The following SPINK5 variants were observed in gnomAD, a reference collection of about 807,000 sequenced individuals.
SPINK5 encodes the protein serine protease inhibitor Kazal-type 5.
A neutral mutation model predicts 151.8 loss-of-function variants in SPINK5; 125 were observed. That is an observed-to-expected ratio of 0.82 (90% confidence interval 0.71 to 0.96). The LOEUF is 0.96. Among genes scored for constraint, SPINK5 ranks in the 40% least tolerant of loss-of-function variants. The pLI is 0.00. For synonymous variants in SPINK5, 374 were observed against 395.3 expected, an observed-to-expected ratio of 0.95 and a Z score of 0.64; for missense variants, 1,194 against 1,291.9, an observed-to-expected ratio of 0.92 and a Z score of 1.16.
At position 148,131,337 on chromosome 5, in the gene SPINK5, G is replaced by A. The variant is rs1483638724; in HGVS notation, c.3043G>A (p.Gly1015Ser). 4 of 1,613,946 alleles carry A rather than the reference G, an allele frequency of 2.5e-6. No individual in the cohort carries two copies. The South Asian group carries it at 3.3e-5, about 13-fold the overall frequency. Reference sequence around the variant, plus strand: ...TCCAAAGGATTTAAAGCCTGTCTGTGGTGACGATGGCCAAACCTACAACAA... The same window carrying A: ...TCCAAAGGATTTAAAGCCTGTCTGTAGTGACGATGGCCAAACCTACAACAA... ...LCPKDLKPVC[G>S]DDGQTYNNPC... The change falls in exon 31 of 33, where the codon GGT (glycine) becomes AGT (serine). Residue 1015 changes from glycine (G) to serine (S), a missense_variant. By Grantham distance (56) the Gly-to-Ser change is moderately conservative (BLOSUM62 0). Transcript: ENST00000256084.
intron 1 of SPINK5, 94 bp from the exon 2 acceptor site, chr5:148,065,253 A>T (rs1277976113): frequency 2.2e-6 from 3 of 1,351,918 alleles, no homozygotes; most frequent in African/African-American, 2.9e-5. Flanking sequence ...TATTGTCATT[A>T]AAGCAATCAA....
At chr5:148,135,723 G>A (rs1239391198) in intron 32 of SPINK5, among the ~76,000 whole-genome samples, 2 of 151,994 alleles carry the variant, frequency 1.3e-5, no homozygotes, top group Non-Finnish European at 2.9e-5. Context: ...GTATATATTG[G>A]GGTGGAAGCC....
At chr5:148,118,159 C>T (rs1168116472) in intron 22 of SPINK5, among the ~76,000 whole-genome samples, 5 of 152,160 alleles carry the variant, frequency 3.3e-5, no homozygotes, top group African/African-American at 7.2e-5. Context: ...GCTGGGATTA[C>T]AGGCACCCGC....
At chr5:148,089,765 G>T in intron 7 of SPINK5, 144 bp downstream of exon 7, 1 of 1,236,476 alleles carries the variant, frequency 8.1e-7, no homozygotes, top group Non-Finnish European at 1.2e-6. Context: ...CTCACAGAAA[G>T]GCTTCTTTTC....
intron 18 of SPINK5, among the ~76,000 whole-genome samples, chr5:148,110,529 T>C (rs1383260246): frequency 6.6e-6 from 1 of 152,234 alleles, no homozygotes; most frequent in Admixed American, 6.5e-5. Flanking sequence ...ATTTTAGTTA[T>C]ATTATTCATT....
At position 148,135,282 on chromosome 5, in the gene SPINK5, A is replaced by G. The variant is rs373952891; in HGVS notation, c.3186+1395A>G. Among the ~76,000 whole-genome samples the G allele has an allele frequency of 4.9e-4, 74 of 152,280 alleles. No homozygotes were observed. The East Asian group carries it at 8.5e-3, about 17-fold the overall frequency. On this transcript the variant is annotated intron_variant, in intron 32 of 32. Transcript: ENST00000256084. ...CCCGTCCTCACAAACTCACCTTTAC[A>G]TATATCTCAGGAGAGAAAGGTCAAA... is the stretch of plus-strand genomic sequence containing the variant.
In SPINK5 at chr5:148,125,757, A is replaced by T. The variant is rs1208418378; in HGVS notation, c.2774A>T (p.Asn925Ile). The T allele has an allele frequency of 6.2e-7, 1 of 1,614,218 alleles. No homozygotes were observed. The highest frequency in any genetic ancestry group is 8.5e-7 in the Non-Finnish European group (1 of 1,180,024). The change falls in exon 29 of 33, where the codon AAC becomes ATC. Residue 925 changes from asparagine to isoleucine, a missense_variant. Asn to Ile is a moderately radical substitution (Grantham distance 149). Transcript: ENST00000256084. Reference sequence around the variant, plus strand: ...AGTGAATTTCGAAACTATATAAGGAACAATGAACTCATCTGCCCTAGAGAG... The same window carrying T: ...AGTGAATTTCGAAACTATATAAGGATCAATGAACTCATCTGCCCTAGAGAG... ...ECSEFRNYIR[N>I]NELICPREND...
intron 30 of SPINK5, among the ~76,000 whole-genome samples, chr5:148,129,004 G>A (rs1434535743): frequency 1.3e-5 from 2 of 152,136 alleles, no homozygotes; most frequent in Non-Finnish European, 2.9e-5. Context: ...AGATGGGGAG[G>A]GGAGGGGATA....
At chr5:148,089,126 G>A in intron 6 of SPINK5, 3 of 465,230 alleles carry the variant, frequency 6.4e-6, no homozygotes, top group Non-Finnish European at 1.3e-5. Flanking sequence ...AAGGTCTGAT[G>A]CCCTTTTTAT....
chr5:148,110,935 A>C (rs896968012), intron 18 of SPINK5, among the ~76,000 whole-genome samples: 1 of 152,096 alleles, frequency 6.6e-6, no homozygotes, highest in Admixed American at 6.6e-5. Context: ...ACAAACCTGC[A>C]TGCTCTGAAC....
intron 4 of SPINK5, among the ~76,000 whole-genome samples, chr5:148,081,150 A>T (rs1284423026): frequency 6.6e-6 from 1 of 151,634 alleles, no homozygotes; most frequent in African/African-American, 2.4e-5. Context: ...AGAAACTGGA[A>T]CACATATAGT....
At chr5:148,129,723 T>C (rs1009828771) in intron 30 of SPINK5, among the ~76,000 whole-genome samples, 25 of 152,296 alleles carry the variant, frequency 1.6e-4, no homozygotes, top group African/African-American at 6.0e-4. Context: ...GAATCATTTA[T>C]CAAAACAAAG....
chr5:148,105,043 C>T (rs757038824), intron 16 of SPINK5, 43 bp downstream of exon 16: 3 of 1,589,048 alleles, frequency 1.9e-6, no homozygotes, highest in Admixed American at 3.3e-5. Flanking sequence ...TGACATTTTT[C>T]ATTTCTTTAT....
At chr5:148,120,419 T>C (rs1754227067) in intron 26 of SPINK5, 28 bp downstream of exon 26, 1 of 1,572,284 alleles carries the variant, frequency 6.4e-7, no homozygotes, top group Admixed American at 1.8e-5. Context: ...CGCTAATACC[T>C]GAATTCAGTT....
rs1258595626 is a variant in SPINK5 at position 148,086,525 on chromosome 5, G to A, written c.403G>A (p.Glu135Lys). 6.2e-7 allele frequency: 1 copy of A among 1,611,054 alleles called. No individual in the cohort carries two copies. Among genetic ancestry groups the A allele is most frequent in the African/African-American group, 1.3e-5 (1 of 74,790 alleles). ...TGACAACAGATGTGCACTGTGTGCT[G>A]AGAATGCGTGAGTATTCTCTGAAGT... is the stretch of plus-strand genomic sequence containing the variant. ...TYDNRCALCA[E>K]NAKTGSQIGV... Residue 135 changes from glutamate to lysine, a missense_variant, in exon 5 of 33, where the codon GAG becomes AAG. Physicochemically the swap from Glu to Lys is moderately conservative, Grantham distance 56. Transcript: ENST00000256084.
intron 2 of SPINK5, among the ~76,000 whole-genome samples, chr5:148,068,293 G>A (rs1051887047): frequency 6.6e-6 from 1 of 151,944 alleles, no homozygotes; most frequent in African/African-American, 2.4e-5. Flanking sequence ...CTGTGATATC[G>A]TTTAGTTATT....
In SPINK5 at chr5:148,113,616, T is replaced by C. The variant is rs115555669; in HGVS notation, c.1887+682T>C. Among the ~76,000 whole-genome samples the C allele has an allele frequency of 4.3e-3, 652 of 152,332 alleles. 4 individuals carry two copies. Among genetic ancestry groups the C allele is most frequent in the African/African-American group, 0.015 (631 of 41,570 alleles). On this transcript the variant is annotated intron_variant, in intron 20 of 32. Transcript: ENST00000256084. ...CTGGCTCCAAGTAGTTTATTCCAAG[T>C]TGTGGTCATTTCCCTGCCCCCATCA...
intron 9 of SPINK5, among the ~76,000 whole-genome samples, chr5:148,094,984 T>C (rs757754209): frequency 5.9e-5 from 9 of 151,940 alleles, no homozygotes; most frequent in Non-Finnish European, 1.0e-4. Context: ...GAAAATGTCT[T>C]AGATGACATC....
In SPINK5 at chr5:148,101,852, C is replaced by G; in HGVS notation, c.1374C>G (p.Ile458Met). Reference sequence around the variant, plus strand: ...TTTGCACCAGAGAGAATGACCCCATCCAGGGCCCAGATGGAAAAATGCATG... The same window carrying G: ...TTTGCACCAGAGAGAATGACCCCATGCAGGGCCCAGATGGAAAAATGCATG... ...RLFCTRENDP[I>M]QGPDGKMHGN... The change falls in exon 15 of 33, where the codon ATC becomes ATG. Residue 458 changes from isoleucine to methionine, a missense_variant. Physicochemically the swap from Ile to Met is conservative, Grantham distance 10. Coordinates refer to ENST00000256084, the MANE Select transcript of SPINK5 (RefSeq NM_006846.4). 6.2e-7 allele frequency: 1 copy of G among 1,613,800 alleles called. No homozygotes were observed. Among genetic ancestry groups the G allele is most frequent in the Non-Finnish European group, 8.5e-7 (1 of 1,179,796 alleles).
Sources: gnomAD v4.1 joint callset for allele counts (sites outside exome capture counted in the v4.1 genomes callset) on GRCh38, gnomAD v4.1.1 for gene constraint, MANE v1.5 for transcripts, NCBI Gene and HGNC (gene_info 2026-07-23, HGNC 2026-07-21) for gene names.